MKI67: variants seen among roughly 807,000 people sequenced by gnomAD.
MKI67 encodes marker of proliferation Ki-67.
MKI67 carries 152 observed loss-of-function variants against 233.5 expected under a neutral mutation model. The ratio of observed to expected loss-of-function variants is 0.65; its 90% CI spans 0.57 to 0.74. MKI67 has a LOEUF of 0.74. MKI67 is among the 30% of genes least tolerant of loss of function. The probability of loss-of-function intolerance (pLI) is 0.00; values close to 1 mark genes in which losing one functional copy is unlikely to be tolerated. For synonymous variants in MKI67, 1,465 were observed against 1,418.5 expected (o/e 1.03, Z -0.74); for missense variants, 3,940 against 3,885.2 (o/e 1.01, Z -0.37).
At position 128,102,616 on chromosome 10, in the gene MKI67, T is replaced by A; in HGVS notation, c.9224A>T (p.Glu3075Val). 1 of 1,614,190 alleles carries A rather than the reference T, an allele frequency of 6.2e-7. No individual in the cohort carries two copies. The highest frequency in any genetic ancestry group is 1.6e-4 in the Middle Eastern group (1 of 6,062). ...LNSNDMKTNK[E>V]EHKLQDSVPE... ...GACCGAGTCTTGTAATTTGTGTTCC[T>A]CTTTGTTGGTTTTCATGTCGTTGCT... The change falls in exon 13 of 15, where the codon GAG becomes GTG. Residue 3075 changes from glutamate (E) to valine (V), a missense_variant. Glu to Val is a moderately radical substitution (Grantham distance 121). Coordinates refer to ENST00000368654, the MANE Select transcript of MKI67 (RefSeq NM_002417.5).
chr10:128,114,231 A>T (rs1345827612), intron 7 of MKI67, among the ~76,000 whole-genome samples: 4 of 152,188 alleles, frequency 2.6e-5, no homozygotes, highest in Non-Finnish European at 4.4e-5. Flanking sequence ...TGGCCCAGAC[A>T]ACTTTTCTTC....
chr10:128,112,398 A>G lies in MKI67; in HGVS notation c.1704T>C (p.His568=), dbSNP rs756187570. Residue 568 remains histidine, a synonymous_variant, in exon 9 of 15, where the codon CAT becomes CAC. Coordinates refer to ENST00000368654, the MANE Select transcript of MKI67 (RefSeq NM_002417.5). ...SGKQESGSEI[H]VEVKAQSLVI... ...CCAAGCTTTGTGCCTTCACTTCCAC[A>G]TGGATTTCTGAACCTGACTCTTGTT... 9 of 1,614,066 alleles carry G rather than the reference A, an allele frequency of 5.6e-6. No individual in the cohort carries two copies.
Position 128,112,250 on chromosome 10 carries a change from C to T in MKI67, c.1852G>A (p.Gly618Arg), listed in dbSNP as rs916785320. ...KSQTEVPKRG[G>R]RKSGNLPSKR... is the part of the protein sequence containing the mutation. Reference sequence around the variant, plus strand: ...GAAGGCAGGTTGCCACTCTTTCTCCCTCCTCTCTTAGGAACCTCTGTCTGA... The same window carrying T: ...GAAGGCAGGTTGCCACTCTTTCTCCTTCCTCTCTTAGGAACCTCTGTCTGA... The change falls in exon 9 of 15, where the codon GGG (glycine) becomes AGG (arginine). Residue 618 changes from glycine (G) to arginine (R), a missense_variant. By Grantham distance (125) the Gly-to-Arg change is moderately radical. Transcript: ENST00000368654. The T allele has an allele frequency of 1.2e-6, 2 of 1,614,242 alleles. No homozygotes were observed. Among genetic ancestry groups the T allele is most frequent in the South Asian group, 1.1e-5 (1 of 91,090 alleles).
Position 128,115,184 on chromosome 10 carries a change from T to C in MKI67, c.1224A>G (p.Ala408=). 1 of 1,614,232 alleles carries C rather than the reference T, an allele frequency of 6.2e-7. No homozygotes were observed. Residue 408 remains alanine (A), a synonymous_variant, in exon 7 of 15, where the codon GCA becomes GCG. Transcript: ENST00000368654. The part of the protein sequence containing the change: ...RNRTPAKVED[A]ADSATKPENL... Reference sequence around the variant, plus strand: ...TTTCTGGCTTAGTGGCAGAGTCAGCTGCATCTTCAACTTTAGCTGGTGTTC... The same window carrying C: ...TTTCTGGCTTAGTGGCAGAGTCAGCCGCATCTTCAACTTTAGCTGGTGTTC...
At chr10:128,119,438 C>G in intron 4 of MKI67, 119 bp from the exon 5 acceptor site, 1 of 629,720 alleles carries the variant, frequency 1.6e-6, no homozygotes, top group Non-Finnish European at 2.8e-6. Context: ...TTCAAGACAT[C>G]ACCTTATACA....
chr10:128,109,340 A>C lies in MKI67; in HGVS notation c.2500T>G (p.Cys834Gly), dbSNP rs753343038. 2 of 1,614,138 alleles carry C rather than the reference A, an allele frequency of 1.2e-6. No individual in the cohort carries two copies. Among genetic ancestry groups the C allele is most frequent in the Non-Finnish European group, 8.5e-7 (1 of 1,180,028 alleles). The change falls in exon 13 of 15, where the codon TGT becomes GGT. Residue 834 changes from cysteine (C) to glycine (G), a missense_variant. Transcript: ENST00000368654. Reference sequence around the variant, plus strand: ...GCTACGTTTCCATTTTCTCTAATACACTGCCGTCTTAAGGGAGGGCTTGCA... The same window carrying C: ...GCTACGTTTCCATTTTCTCTAATACCCTGCCGTCTTAAGGGAGGGCTTGCA... The part of the protein sequence containing the change: ...CSASPPLRRQ[C>G]IRENGNVAKT...
Position 128,111,679 on chromosome 10 carries a change from G to A in MKI67, c.2226C>T (p.Ser742=), listed in dbSNP as rs939583543. The A allele has an allele frequency of 6.2e-7, 1 of 1,607,884 alleles. No individual in the cohort carries two copies. Among genetic ancestry groups the A allele is most frequent in the African/African-American group, 1.3e-5 (1 of 74,318 alleles). ...RPYRVLNNFI[S]NQKMDFKEDL... Reference sequence around the variant, plus strand: ...CTTCCTTAAAGTCCATTTTTTGGTTGGAAATGAAGTTGTTGAGCACTCTGT... The same window carrying A: ...CTTCCTTAAAGTCCATTTTTTGGTTAGAAATGAAGTTGTTGAGCACTCTGT... Residue 742 remains serine (S), a synonymous_variant, in exon 11 of 15, where the codon TCC becomes TCT. Transcript: ENST00000368654.
Position 128,115,757 on chromosome 10 carries a change from T to C in MKI67, c.651A>G (p.Glu217=). The change falls in exon 7 of 15, where the codon GAA becomes GAG. Residue 217 remains glutamate (E), a synonymous_variant. Transcript: ENST00000368654. ...SSVKLVSRYG[E]LKSVPTTQCL... ...ATTGTGTAGTGGGAACAGACTTCAA[T>C]TCTCCATAACGGCTCACTAATTTAA... is the stretch of plus-strand genomic sequence containing the variant. 6.2e-7 allele frequency: 1 copy of C among 1,613,504 alleles called. No individual in the cohort carries two copies. The highest frequency in any genetic ancestry group is 8.5e-7 in the Non-Finnish European group (1 of 1,180,040).
At chr10:128,120,375 C>T (rs897633427) in intron 4 of MKI67, among the ~76,000 whole-genome samples, 4 of 151,914 alleles carry the variant, frequency 2.6e-5, no homozygotes, top group African/African-American at 9.7e-5. Context: ...GCCTGTAATC[C>T]CAGCTACTTG....
Position 128,106,271 on chromosome 10 carries a change from T to G in MKI67, c.5569A>C (p.Ile1857Leu). The change falls in exon 13 of 15, where the codon ATA becomes CTA. Residue 1857 changes from isoleucine (I) to leucine (L), a missense_variant. By Grantham distance (5) the Ile-to-Leu change is conservative (BLOSUM62 2). Coordinates refer to ENST00000368654, the MANE Select transcript of MKI67 (RefSeq NM_002417.5). ...TCTGATTGCGGAGATTTGCAGAGTATTTTTTTGGTAGTTTTCTCATCAGTC... is the reference window on the plus strand; with the variant it reads ...TCTGATTGCGGAGATTTGCAGAGTAGTTTTTTGGTAGTTTTCTCATCAGTC... Reference protein sequence around the residue: ...PTTDEKTTKKILCKSPQSDPA... With the variant: ...PTTDEKTTKKLLCKSPQSDPA... 2.5e-6 allele frequency: 4 copies of G among 1,613,502 alleles called. No homozygotes were observed. The highest frequency in any genetic ancestry group is 3.4e-6 in the Non-Finnish European group (4 of 1,179,864).
At chr10:128,118,981 G>T (rs1565014519) in intron 5 of MKI67, among the ~76,000 whole-genome samples, 3 of 152,310 alleles carry the variant, frequency 2.0e-5, no homozygotes, top group Admixed American at 6.5e-5. Context: ...TCATGGGTTT[G>T]CAAAAAGCTC....
intron 5 of MKI67, 137 bp downstream of exon 5, chr10:128,119,116 T>C: frequency 3.0e-6 from 2 of 665,620 alleles, no homozygotes; most frequent in Non-Finnish European, 5.3e-6. Flanking sequence ...CTCGTTTTTA[T>C]ACTTTAGTTA....
At position 128,126,378 on chromosome 10, in the gene MKI67, TCCCGCCCGCCCGCCCG is replaced by T. The variant is rs61029493; in HGVS notation, c.-385_-370del. On this transcript the variant is annotated 5_prime_UTR_variant, in exon 1 of 15. Transcript: ENST00000368654. ...TAGCGGCTCCCACCGAGTCGAGTCC[TCCCGCCCGCCCGCCCG>T]CCCGCAGCGTCAGCCCTCCACTTCC... 2 of 145,270 alleles carry T rather than the reference TCCCGCCCGCCCGCCCG, an allele frequency of 1.4e-5. No homozygotes were observed. The highest frequency in any genetic ancestry group is 3.1e-5 in the Non-Finnish European group (2 of 64,506). The allele number at this position is 145,270 out of a possible 1,614,324, so 9.0% of individuals were successfully genotyped here. A position where few individuals can be genotyped will look rare whatever the true frequency, so the allele number is the denominator to read the frequency against.
chr10:128,112,824 C>A (rs887708980), intron 8 of MKI67, among the ~76,000 whole-genome samples: 1 of 152,144 alleles, frequency 6.6e-6, no homozygotes, highest in Admixed American at 6.5e-5. Context: ...GGGAGCCAGA[C>A]ATCACTTTCC....
Position 128,108,068 on chromosome 10 carries a change from G to T in MKI67, c.3772C>A (p.Pro1258Thr). The change falls in exon 13 of 15, where the codon CCA becomes ACA. Residue 1258 changes from proline (P) to threonine (T), a missense_variant. Coordinates refer to ENST00000368654, the MANE Select transcript of MKI67 (RefSeq NM_002417.5). Reference sequence around the variant, plus strand: ...TTTGTGCTTGTTGGGGTGTCCACTGGGTCTGACTGTGGAGAGTCGCAGGGT... The same window carrying T: ...TTTGTGCTTGTTGGGGTGTCCACTGTGTCTGACTGTGGAGAGTCGCAGGGT... ...KIPCDSPQSD[P>T]VDTPTSTKQR... 1 of 1,611,792 alleles carries T rather than the reference G, an allele frequency of 6.2e-7. No homozygotes were observed. The highest frequency in any genetic ancestry group is 8.5e-7 in the Non-Finnish European group (1 of 1,179,496).
intron 1 of MKI67, 31 bp downstream of exon 1, chr10:128,126,068 A>C (rs1188322433): frequency 4.2e-6 from 1 of 239,130 alleles, no homozygotes; most frequent in Non-Finnish European, 8.2e-6. Flanking sequence ...TCGACCCCGG[A>C]CAGCTCCCAG....
At chr10:128,100,685 A>G (rs563200747) in intron 14 of MKI67, among the ~76,000 whole-genome samples, 49 of 152,316 alleles carry the variant, frequency 3.2e-4, no homozygotes, top group African/African-American at 1.1e-3. Context: ...GAGTGGCTCA[A>G]CTTGATGTGA....
In MKI67 at chr10:128,099,092, C is replaced by A; in HGVS notation, c.*98G>T. 8.7e-6 allele frequency: 8 copies of A among 915,384 alleles called. No individual in the cohort carries two copies. Among genetic ancestry groups the A allele is most frequent in the African/African-American group, 1.7e-5 (1 of 59,316 alleles). The allele number at this position is 915,384 out of a possible 1,614,324, so 56.7% of individuals were successfully genotyped here. On this transcript the variant is annotated 3_prime_UTR_variant, in exon 15 of 15. Coordinates refer to ENST00000368654, the MANE Select transcript of MKI67 (RefSeq NM_002417.5). Reference sequence around the variant, plus strand: ...TTTCTTCCCTTAAGCAGACTGACAGCCTTACTTACAGAATTCACTTGTAAT... The same window carrying A: ...TTTCTTCCCTTAAGCAGACTGACAGACTTACTTACAGAATTCACTTGTAAT...
intron 8 of MKI67, among the ~76,000 whole-genome samples, 187 bp downstream of exon 8, chr10:128,113,240 G>T (rs2136143289): frequency 6.6e-6 from 1 of 152,326 alleles, no homozygotes; most frequent in South Asian, 2.1e-4. Context: ...ACCACGGTCA[G>T]GGACCCAGGG....
Sources: gnomAD v4.1 joint callset for allele counts (sites outside exome capture counted in the v4.1 genomes callset) on GRCh38, gnomAD v4.1.1 for gene constraint, MANE v1.5 for transcripts, NCBI Gene and HGNC (gene_info 2026-07-23, HGNC 2026-07-21) for gene names.